Variants in GPR158 observed in about 807,000 individuals in gnomAD.
GPR158 encodes G protein-coupled receptor 158.
In GPR158, 30 loss-of-function variants were observed where a neutral mutation model predicts 78.2. The observed-to-expected ratio is 0.38, with a 90% CI of 0.29 to 0.52. The LOEUF (loss-of-function observed/expected upper bound fraction) is 0.52, where lower values mean the gene tolerates loss of function less well. GPR158 is among the 20% of genes least tolerant of loss of function. GPR158 has a pLI of 0.83. For missense variants in GPR158, 1,463 were observed against 1,523.5 expected, an observed-to-expected ratio of 0.96 and a Z score of 0.66; for synonymous variants, 581 against 591.1, an observed-to-expected ratio of 0.98 and a Z score of 0.25.
At chr10:25,283,116 A>G (rs961605666) in intron 2 of GPR158, among the ~76,000 whole-genome samples, 1 of 152,066 alleles carries the variant, frequency 6.6e-6, no homozygotes, top group Non-Finnish European at 1.5e-5. Context: ...GCAGAATTCC[A>G]GAGTGAAATC....
chr10:25,588,841 G>A (rs1291266647), intron 7 of GPR158, among the ~76,000 whole-genome samples, 166 bp from the exon 8 acceptor site: 1 of 152,044 alleles, frequency 6.6e-6, no homozygotes, highest in Admixed American at 6.6e-5. Context: ...TCCATAAACT[G>A]AATGAAATTT....
intron 1 of GPR158, among the ~76,000 whole-genome samples, chr10:25,212,734 C>T (rs1330058893): frequency 2.8e-5 from 4 of 142,618 alleles, no homozygotes; most frequent in East Asian, 2.2e-4. Context: ...TGGGTTCAAG[C>T]GATTCTCTTG....
chr10:25,196,753 G>A (rs1852850255), intron 1 of GPR158, among the ~76,000 whole-genome samples: 1 of 152,168 alleles, frequency 6.6e-6, no homozygotes, highest in South Asian at 2.1e-4. Context: ...TTCAATCTCT[G>A]CAGAAGAGTT....
intron 5 of GPR158, among the ~76,000 whole-genome samples, chr10:25,517,887 A>C (rs1182507100): frequency 7.2e-6 from 1 of 139,342 alleles, no homozygotes; most frequent in Non-Finnish European, 1.5e-5. Flanking sequence ...CTGGCCTCAT[A>C]AAATGAGTTA....
At chr10:25,460,190 T>C (rs1261017835) in intron 4 of GPR158, among the ~76,000 whole-genome samples, 1 of 151,924 alleles carries the variant, frequency 6.6e-6, no homozygotes, top group Non-Finnish European at 1.5e-5. Context: ...AAATCAGAGA[T>C]TTTCTTTTTT....
intron 2 of GPR158, among the ~76,000 whole-genome samples, chr10:25,376,229 A>G (rs1834077880): frequency 6.6e-6 from 1 of 151,606 alleles, no homozygotes; most frequent in Non-Finnish European, 1.5e-5. Flanking sequence ...TAGTGTTTAT[A>G]GATATAGTTG....
At chr10:25,191,540 G>T (rs1438751983) in intron 1 of GPR158, among the ~76,000 whole-genome samples, 5 of 152,206 alleles carry the variant, frequency 3.3e-5, no homozygotes, top group African/African-American at 1.2e-4. Context: ...TAATTCGGAA[G>T]TAGTTAGTCC....
chr10:25,198,346 C>G (rs12265550), intron 1 of GPR158, among the ~76,000 whole-genome samples: 7,641 of 152,232 alleles, frequency 0.05, 573 homozygotes, highest in African/African-American at 0.16. Flanking sequence ...AAAGTTTTGG[C>G]AAGCTTCTCT....
At chr10:25,339,019 T>C (rs1243664079) in intron 2 of GPR158, among the ~76,000 whole-genome samples, 1 of 149,628 alleles carries the variant, frequency 6.7e-6, no homozygotes, top group Non-Finnish European at 1.5e-5. Flanking sequence ...TTTCTTTCTT[T>C]CTTTTTTTTT....
intron 1 of GPR158, among the ~76,000 whole-genome samples, chr10:25,199,610 AT>A (rs1295030577): frequency 6.6e-6 from 1 of 152,102 alleles, no homozygotes; most frequent in Non-Finnish European, 1.5e-5. Flanking sequence ...CAATTCCCCC[AT>A]GCTGTTCTCA....
At chr10:25,501,412 A>C (rs998890805) in intron 5 of GPR158, among the ~76,000 whole-genome samples, 3 of 152,164 alleles carry the variant, frequency 2.0e-5, no homozygotes, top group Admixed American at 6.5e-5. Context: ...CTTCATGATA[A>C]ATTGAAATTA....
intron 4 of GPR158, chr10:25,466,298 G>A (rs977179380): frequency 5.6e-6 from 1 of 179,648 alleles, no homozygotes; most frequent in African/African-American, 2.4e-5. Context: ...AAGCCCGTGA[G>A]ACCACGAACC....
At chr10:25,292,794 A>G (rs765976271) in intron 2 of GPR158, among the ~76,000 whole-genome samples, 8 of 152,158 alleles carry the variant, frequency 5.3e-5, no homozygotes, top group Non-Finnish European at 8.8e-5. Flanking sequence ...TTAGAAAAAT[A>G]ATATTTTCCT....
At chr10:25,262,226 G>A (rs1853977196) in intron 2 of GPR158, among the ~76,000 whole-genome samples, 1 of 152,118 alleles carries the variant, frequency 6.6e-6, no homozygotes, top group South Asian at 2.1e-4. Flanking sequence ...TGGGGAGAGT[G>A]GAGGTCTGGA....
intron 4 of GPR158, among the ~76,000 whole-genome samples, chr10:25,457,644 G>T (rs776185898): frequency 6.6e-6 from 1 of 152,158 alleles, no homozygotes. Context: ...TATTTGAAAG[G>T]CTTCTTAGCC....
At chr10:25,565,605 G>T (rs1280975813) in intron 6 of GPR158, among the ~76,000 whole-genome samples, 3 of 152,186 alleles carry the variant, frequency 2.0e-5, no homozygotes, top group Non-Finnish European at 2.9e-5. Context: ...TCACATGAGA[G>T]TAAGAAGATA....
intron 1 of GPR158, among the ~76,000 whole-genome samples, chr10:25,206,800 G>C (rs1421334979): frequency 6.6e-6 from 1 of 151,786 alleles, no homozygotes. Context: ...CCAGAAGGTA[G>C]GGTGATTGAC....
At chr10:25,227,478 GT>G (rs1184785926) in intron 2 of GPR158, among the ~76,000 whole-genome samples, 13 of 152,174 alleles carry the variant, frequency 8.5e-5, no homozygotes, top group African/African-American at 3.1e-4. Flanking sequence ...ATGCAACCCA[GT>G]TCTGACTTTA....
At chr10:25,199,425 C>G (rs1027442614) in intron 1 of GPR158, among the ~76,000 whole-genome samples, 2 of 152,110 alleles carry the variant, frequency 1.3e-5, no homozygotes, top group African/African-American at 4.8e-5. Flanking sequence ...GTCTTCTGTT[C>G]CTGCATTAGT....
Sources: gnomAD v4.1 joint callset for allele counts (sites outside exome capture counted in the v4.1 genomes callset) on GRCh38, gnomAD v4.1.1 for gene constraint, MANE v1.5 for transcripts, NCBI Gene and HGNC (gene_info 2026-07-23, HGNC 2026-07-21) for gene names.